Variants in LHFPL6 observed in about 807,000 individuals in gnomAD.
LHFPL6 encodes LHFPL tetraspan subfamily member 6 protein.
Under a neutral mutation model 20.6 loss-of-function variants are expected in LHFPL6, and 9 were observed. That is an observed-to-expected ratio of 0.44 (90% CI 0.26 to 0.76). LHFPL6 has a LOEUF of 0.76. Among genes scored for constraint, LHFPL6 ranks in the 30% least tolerant of loss-of-function variants. The pLI is 0.20. For missense variants in LHFPL6, 218 were observed against 253.5 expected (o/e 0.86, Z 0.95); for synonymous variants, 105 against 98.7 (o/e 1.06, Z -0.38).
At chr13:39,432,592 T>C (rs1306482762) in intron 2 of LHFPL6, among the ~76,000 whole-genome samples, 1 of 152,168 alleles carries the variant, frequency 6.6e-6, no homozygotes, top group African/African-American at 2.4e-5. Context: ...CCCATTAAAA[T>C]TGCAACCCAC....
chr13:39,509,873 G>A (rs560037619), intron 2 of LHFPL6, among the ~76,000 whole-genome samples: 2 of 152,294 alleles, frequency 1.3e-5, no homozygotes, highest in Admixed American at 1.3e-4. Context: ...GAGGAAGGGT[G>A]AGGCTGCAGT....
chr13:39,370,477 A>G (rs1170631778), intron 3 of LHFPL6, among the ~76,000 whole-genome samples: 1 of 152,186 alleles, frequency 6.6e-6, no homozygotes, highest in Non-Finnish European at 1.5e-5. Flanking sequence ...ACGGCCTTAA[A>G]TTTGCCTACA....
intron 2 of LHFPL6, among the ~76,000 whole-genome samples, chr13:39,421,992 G>T (rs1188735711): frequency 6.6e-6 from 1 of 152,082 alleles, no homozygotes; most frequent in Non-Finnish European, 1.5e-5. Context: ...ATAAACAATT[G>T]GTTTGGGTTT....
At chr13:39,474,259 G>A (rs1187752173) in intron 2 of LHFPL6, among the ~76,000 whole-genome samples, 4 of 152,170 alleles carry the variant, frequency 2.6e-5, no homozygotes, top group Admixed American at 1.3e-4. Context: ...TTGTCTACTT[G>A]TTGTAATAAT....
intron 2 of LHFPL6, among the ~76,000 whole-genome samples, chr13:39,556,644 G>T (rs1005479361): frequency 6.6e-6 from 1 of 152,120 alleles, no homozygotes; most frequent in East Asian, 1.9e-4. Context: ...CCAAAGAAAT[G>T]ACTTCAAATT....
intron 3 of LHFPL6, among the ~76,000 whole-genome samples, chr13:39,346,012 C>T (rs371261375): frequency 6.6e-6 from 1 of 152,156 alleles, no homozygotes; most frequent in Non-Finnish European, 1.5e-5. Flanking sequence ...CTGCTCACCG[C>T]GGAACACAGC....
chr13:39,569,430 GAA>G, intron 2 of LHFPL6, among the ~76,000 whole-genome samples: 1 of 152,232 alleles, frequency 6.6e-6, no homozygotes, highest in African/African-American at 2.4e-5. Context: ...TTCAAAAGGA[GAA>G]AATGTTAGTT....
At chr13:39,352,882 T>C (rs1301630493) in intron 3 of LHFPL6, among the ~76,000 whole-genome samples, 2 of 54,608 alleles carry the variant, frequency 3.7e-5, no homozygotes, top group Admixed American at 2.2e-4. Context: ...TATATATAAA[T>C]GTATATATAT....
intron 3 of LHFPL6, among the ~76,000 whole-genome samples, chr13:39,351,090 T>G (rs75207346): frequency 0.023 from 3,442 of 152,340 alleles, 61 homozygotes; most frequent in Non-Finnish European, 0.031. Flanking sequence ...TGTCTGCTTA[T>G]TTCAATGTTC....
intron 2 of LHFPL6, among the ~76,000 whole-genome samples, chr13:39,473,335 CACACACAA>C (rs1872995590): frequency 7.0e-6 from 1 of 142,140 alleles, no homozygotes; most frequent in South Asian, 2.3e-4. Context: ...GATACTAGAT[CACACACAA>C]ACACACACAC....
At chr13:39,453,365 C>T (rs1031464036) in intron 2 of LHFPL6, among the ~76,000 whole-genome samples, 25 of 152,240 alleles carry the variant, frequency 1.6e-4, no homozygotes, top group African/African-American at 6.0e-4. Context: ...CAATGTTAGG[C>T]TTATGTAGTA....
At chr13:39,478,308 T>C (rs1181573751) in intron 2 of LHFPL6, among the ~76,000 whole-genome samples, 1 of 152,162 alleles carries the variant, frequency 6.6e-6, no homozygotes, top group Non-Finnish European at 1.5e-5. Flanking sequence ...TGAGTCTCTG[T>C]GGGTTGCCAG....
chr13:39,595,582 C>G (rs571160707), intron 2 of LHFPL6, among the ~76,000 whole-genome samples: 1 of 152,160 alleles, frequency 6.6e-6, no homozygotes, highest in Non-Finnish European at 1.5e-5. Context: ...TGTGAGCCAC[C>G]GCGCCCAGCA....
intron 3 of LHFPL6, among the ~76,000 whole-genome samples, chr13:39,369,917 G>A (rs1306791787): frequency 6.6e-6 from 1 of 152,106 alleles, no homozygotes; most frequent in Non-Finnish European, 1.5e-5. Context: ...ATTGTACAGA[G>A]TGGGGTCCTT....
intron 2 of LHFPL6, among the ~76,000 whole-genome samples, chr13:39,592,592 A>G (rs1205842328): frequency 1.3e-5 from 2 of 152,224 alleles, no homozygotes; most frequent in East Asian, 1.9e-4. Flanking sequence ...AATCAATAGA[A>G]AAAGAGGGAA....
At chr13:39,464,936 A>G (rs1377200949) in intron 2 of LHFPL6, among the ~76,000 whole-genome samples, 2 of 152,314 alleles carry the variant, frequency 1.3e-5, no homozygotes, top group East Asian at 3.9e-4. Context: ...AATTCAGTGT[A>G]TATTATATCT....
At position 39,509,904 on chromosome 13, in the gene LHFPL6, C is replaced by T. The variant is rs148599533; in HGVS notation, c.385+90928G>A. ...GCAGTCAGCCATGACTGTGCCTCTG[C>T]ACTCCAGCCTGGGTGACAGAGTGAG... On this transcript the variant is annotated intron_variant, in intron 2 of 3. Coordinates refer to ENST00000379589, the MANE Select transcript of LHFPL6 (RefSeq NM_005780.3). 4.7e-3 allele frequency among the ~76,000 whole-genome samples: 710 copies of T among 152,262 alleles called. 2 individuals carry two copies. The highest frequency in any genetic ancestry group is 0.015 in the African/African-American group (640 of 41,538).
intron 2 of LHFPL6, among the ~76,000 whole-genome samples, chr13:39,484,776 C>T (rs923054048): frequency 2.6e-5 from 4 of 152,010 alleles, no homozygotes; most frequent in Admixed American, 2.6e-4. Flanking sequence ...TTCTCACTTG[C>T]GGAGGGGGAT....
intron 2 of LHFPL6, among the ~76,000 whole-genome samples, chr13:39,408,383 A>C (rs1481773723): frequency 6.6e-6 from 1 of 152,216 alleles, no homozygotes; most frequent in Non-Finnish European, 1.5e-5. Flanking sequence ...TCATCCCCAA[A>C]TTGAAAACAA....
Sources: allele counts gnomAD v4.1 joint callset (sites outside exome capture counted in the v4.1 genomes callset), GRCh38; gene constraint gnomAD v4.1.1; transcripts MANE v1.5; gene names NCBI Gene and HGNC (gene_info 2026-07-23, HGNC 2026-07-21).